Variants in RAB3C observed in about 807,000 individuals in gnomAD.
The protein encoded by RAB3C is ras-related protein Rab-3C.
In RAB3C, 17 loss-of-function variants were observed where a neutral mutation model predicts 26.4. The ratio of observed to expected loss-of-function variants is 0.64; its 90% CI spans 0.44 to 0.97. The LOEUF is 0.97. Among genes scored for constraint, RAB3C ranks in the 50% least tolerant of loss-of-function variants. The pLI is 0.00. For missense variants in RAB3C, 242 were observed against 281.9 expected, an observed-to-expected ratio of 0.86 and a Z score of 1.01; for synonymous variants, 91 against 95.9, an observed-to-expected ratio of 0.95 and a Z score of 0.30.
At chr5:58,596,638 A>G (rs1211823352) in intron 1 of RAB3C, among the ~76,000 whole-genome samples, 1 of 77,172 alleles carries the variant, frequency 1.3e-5, no homozygotes, top group Admixed American at 2.0e-4. Context: ...ATAATATATA[A>G]ATATATAATA....
chr5:58,610,871 C>T (rs1005303261), intron 1 of RAB3C, among the ~76,000 whole-genome samples: 3 of 151,934 alleles, frequency 2.0e-5, no homozygotes, highest in African/African-American at 7.3e-5. Context: ...GCCCAGTACC[C>T]CTTAGTTATT....
rs776672696 is a variant in RAB3C at position 58,830,931 on chromosome 5, A to G, written c.496+5769A>G. On this transcript the variant is annotated intron_variant, in intron 4 of 4. Coordinates refer to ENST00000282878, the MANE Select transcript of RAB3C (RefSeq NM_138453.4). ...TCTGTTGCCCAGGCTGGAGTGCAAT[A>G]GTAGCATGATCATAGCTCACTGCAG... Among the ~76,000 whole-genome samples the G allele has an allele frequency of 3.3e-5, 5 of 151,962 alleles. 1 individual carries two copies. Among genetic ancestry groups the G allele is most frequent in the Non-Finnish European group, 2.9e-5 (2 of 68,002 alleles).
chr5:58,828,095 A>T (rs927176754), intron 4 of RAB3C, among the ~76,000 whole-genome samples: 1 of 152,174 alleles, frequency 6.6e-6, no homozygotes, highest in African/African-American at 2.4e-5. Context: ...CCAAGTTGTA[A>T]TGGAGCTCTT....
chr5:58,706,391 A>G (rs201733072), intron 2 of RAB3C, among the ~76,000 whole-genome samples: 1 of 152,218 alleles, frequency 6.6e-6, no homozygotes, highest in African/African-American at 2.4e-5. Context: ...ACTGAAATTT[A>G]TAGGATAGGA....
upstream of RAB3C, chr5:58,583,030 G>GCTC: frequency 7.0e-7 from 1 of 1,436,634 alleles, no homozygotes; most frequent in South Asian, 1.5e-5. Flanking sequence ...AGTGCACGGG[G>GCTC]CTCCTCGGCA....
chr5:58,592,375 TTG>T (rs1746152136), intron 1 of RAB3C, among the ~76,000 whole-genome samples: 1 of 152,172 alleles, frequency 6.6e-6, no homozygotes. Context: ...CTTTGTGAAA[TTG>T]TTGTCATATG....
At chr5:58,646,008 G>A (rs373394503) in intron 2 of RAB3C, among the ~76,000 whole-genome samples, 5 of 152,344 alleles carry the variant, frequency 3.3e-5, no homozygotes, top group African/African-American at 1.2e-4. Context: ...GGGCTCTGGA[G>A]TGTGCGGGAC....
At chr5:58,728,555 A>G (rs2111924505) in intron 3 of RAB3C, among the ~76,000 whole-genome samples, 1 of 152,122 alleles carries the variant, frequency 6.6e-6, no homozygotes, top group African/African-American at 2.4e-5. Flanking sequence ...ACCTTAGTAC[A>G]TCTCGGGCCT....
intron 2 of RAB3C, among the ~76,000 whole-genome samples, chr5:58,623,051 A>G (rs1746969330): frequency 6.6e-6 from 1 of 152,226 alleles, no homozygotes; most frequent in Non-Finnish European, 1.5e-5. Flanking sequence ...ATTTATAGTT[A>G]CAGAAAAGAA....
intron 2 of RAB3C, among the ~76,000 whole-genome samples, chr5:58,684,575 C>T (rs1748407668): frequency 6.6e-6 from 1 of 152,122 alleles, no homozygotes; most frequent in Non-Finnish European, 1.5e-5. Context: ...ACCCCCATAT[C>T]CACACTGGTT....
At chr5:58,755,808 A>G (rs540270634) in intron 3 of RAB3C, among the ~76,000 whole-genome samples, 174 of 152,262 alleles carry the variant, frequency 1.1e-3, no homozygotes, top group Middle Eastern at 3.4e-3. Flanking sequence ...TTACATTATC[A>G]CTGACTTTAT....
chr5:58,822,269 C>A (rs1393902062), intron 3 of RAB3C, among the ~76,000 whole-genome samples: 1 of 152,216 alleles, frequency 6.6e-6, no homozygotes, highest in African/African-American at 2.4e-5. Flanking sequence ...CAGAACGTGA[C>A]TCCCACATTT....
chr5:58,602,286 G>A (rs1392020478), intron 1 of RAB3C, among the ~76,000 whole-genome samples: 2 of 152,108 alleles, frequency 1.3e-5, no homozygotes, highest in Non-Finnish European at 2.9e-5. Context: ...CTATCTTGGA[G>A]AAAGTTCCAT....
intron 3 of RAB3C, among the ~76,000 whole-genome samples, chr5:58,788,929 C>T (rs1235888098): frequency 1.3e-5 from 2 of 151,944 alleles, no homozygotes; most frequent in Admixed American, 1.3e-4. Flanking sequence ...TCTGCAAAAC[C>T]AGATGATACC....
At chr5:58,790,439 G>C (rs1742495186) in intron 3 of RAB3C, among the ~76,000 whole-genome samples, 1 of 152,120 alleles carries the variant, frequency 6.6e-6, no homozygotes, top group Admixed American at 6.5e-5. Context: ...CAAATTAAAT[G>C]CTCTACATCA....
intron 3 of RAB3C, among the ~76,000 whole-genome samples, chr5:58,803,901 A>G (rs1338525589): frequency 6.6e-6 from 1 of 152,076 alleles, no homozygotes; most frequent in Non-Finnish European, 1.5e-5. Context: ...TCTACTAAAA[A>G]TACAAAAAAT....
chr5:58,660,445 A>C (rs1747879614), intron 2 of RAB3C, among the ~76,000 whole-genome samples: 1 of 150,236 alleles, frequency 6.7e-6, no homozygotes, highest in Admixed American at 6.6e-5. Context: ...GACGACGTAA[A>C]TAGACTTGCA....
intron 3 of RAB3C, among the ~76,000 whole-genome samples, chr5:58,737,404 T>C (rs188424851): frequency 0.071 from 1,447 of 20,456 alleles, 82 homozygotes; most frequent in African/African-American, 0.3. Context: ...AATATATATA[T>C]ATATATATAT....
intron 3 of RAB3C, among the ~76,000 whole-genome samples, chr5:58,799,665 T>C (rs1443107609): frequency 2.0e-5 from 3 of 152,232 alleles, no homozygotes; most frequent in Non-Finnish European, 4.4e-5. Context: ...ACACTCTCAG[T>C]CTCCTCACTC....
Sources: allele counts gnomAD v4.1 joint callset (sites outside exome capture counted in the v4.1 genomes callset), GRCh38; gene constraint gnomAD v4.1.1; transcripts MANE v1.5; gene names NCBI Gene and HGNC (gene_info 2026-07-23, HGNC 2026-07-21).